PTPRD: variants seen among roughly 807,000 people sequenced by gnomAD.
The protein encoded by PTPRD is receptor-type tyrosine-protein phosphatase delta.
A neutral mutation model predicts 214.5 loss-of-function variants in PTPRD; 34 were observed. The ratio of observed to expected loss-of-function variants is 0.16; its 90% CI spans 0.12 to 0.21. The LOEUF (loss-of-function observed/expected upper bound fraction) is 0.21, where lower values mean the gene tolerates loss of function less well. Among genes scored for constraint, PTPRD ranks in the 10% least tolerant of loss-of-function variants. The pLI, the probability that PTPRD is intolerant of heterozygous loss-of-function variation, is 1.00. For synonymous variants in PTPRD, 1,128 were observed against 845.7 expected, an observed-to-expected ratio of 1.33 and a Z score of -5.79; for missense variants, 2,545 against 2,398.7, an observed-to-expected ratio of 1.06 and a Z score of -1.27.
chr9:8,505,418 C>T (rs932524532), intron 22 of PTPRD, among the ~76,000 whole-genome samples: 10 of 151,932 alleles, frequency 6.6e-5, no homozygotes, highest in South Asian at 4.1e-4. Flanking sequence ...GTCAGGAGAT[C>T]GAGACCATCC....
At position 8,492,149 on chromosome 9, in the gene PTPRD, T is replaced by C. The variant is rs147455928; in HGVS notation, c.2467+713A>G. On this transcript the variant is annotated intron_variant, in intron 27 of 45. Transcript: ENST00000381196. ...TCTTCTTTTTCTTTTTTGTTTTCTATCTTTTGTTCAGTTTGGCTTCTTTAG... is the reference window on the plus strand; with the variant it reads ...TCTTCTTTTTCTTTTTTGTTTTCTACCTTTTGTTCAGTTTGGCTTCTTTAG... 1.7e-3 allele frequency among the ~76,000 whole-genome samples: 262 copies of C among 152,346 alleles called. 3 individuals carry two copies. The highest frequency in any genetic ancestry group is 6.0e-3 in the African/African-American group (251 of 41,586).
At chr9:9,163,911 A>C (rs756450507) in intron 10 of PTPRD, among the ~76,000 whole-genome samples, 1 of 152,000 alleles carries the variant, frequency 6.6e-6, no homozygotes, top group African/African-American at 2.4e-5. Context: ...TTTCTATTTG[A>C]TCCTACCCAT....
intron 9 of PTPRD, among the ~76,000 whole-genome samples, chr9:9,388,687 A>G (rs1317608041): frequency 6.6e-6 from 1 of 152,184 alleles, no homozygotes. Flanking sequence ...ACGAGCTGAA[A>G]TCTGCCATAA....
chr9:9,245,745 T>C (rs1408596337), intron 9 of PTPRD, among the ~76,000 whole-genome samples: 1 of 152,184 alleles, frequency 6.6e-6, no homozygotes, highest in Non-Finnish European at 1.5e-5. Context: ...GTTGTGCACA[T>C]GTACCCTAAA....
chr9:9,961,219 G>C (rs570320574), intron 4 of PTPRD, among the ~76,000 whole-genome samples: 156 of 150,744 alleles, frequency 1.0e-3, no homozygotes, highest in African/African-American at 2.8e-3. Flanking sequence ...TTCCTTTCAA[G>C]AATAAGGATT....
intron 5 of PTPRD, among the ~76,000 whole-genome samples, chr9:9,907,325 C>A (rs2077865740): frequency 6.6e-6 from 1 of 151,844 alleles, no homozygotes; most frequent in South Asian, 2.1e-4. Context: ...TCTGCTAGGG[C>A]CGTCATAATA....
At chr9:8,319,431 T>TC (rs1825097002) in intron 45 of PTPRD, among the ~76,000 whole-genome samples, 1 of 152,094 alleles carries the variant, frequency 6.6e-6, no homozygotes, top group South Asian at 2.1e-4. Flanking sequence ...AGCTGATACC[T>TC]CTGTAGGCAT....
intron 11 of PTPRD, among the ~76,000 whole-genome samples, chr9:8,987,799 G>A (rs527822429): frequency 2.6e-5 from 4 of 152,168 alleles, no homozygotes; most frequent in African/African-American, 9.6e-5. Flanking sequence ...AAATTTAAAT[G>A]GCTGTGATAA....
Position 8,910,552 on chromosome 9 carries a change from C to T in PTPRD, c.-104+108145G>A, listed in dbSNP as rs188407721. 3.4e-4 allele frequency among the ~76,000 whole-genome samples: 51 copies of T among 152,162 alleles called. 1 individual carries two copies. Among genetic ancestry groups the T allele is most frequent in the Admixed American group, 1.4e-3 (22 of 15,278 alleles). ...TGCTCAGCCCCTCACCATGTGATAC[C>T]CTGCACTGCCTTGGGACTCTGCAGG... On this transcript the variant is annotated intron_variant, in intron 11 of 45. Coordinates refer to ENST00000381196, the MANE Select transcript of PTPRD (RefSeq NM_002839.4).
At chr9:9,106,261 G>A (rs947246242) in intron 10 of PTPRD, among the ~76,000 whole-genome samples, 10 of 151,952 alleles carry the variant, frequency 6.6e-5, no homozygotes, top group African/African-American at 2.4e-4. Context: ...GCAGTGGAGG[G>A]AAGTACACAG....
intron 5 of PTPRD, among the ~76,000 whole-genome samples, chr9:9,811,579 C>T (rs539436811): frequency 1.2e-4 from 19 of 152,082 alleles, no homozygotes; most frequent in Non-Finnish European, 2.2e-4. Context: ...TGGTGGCAGG[C>T]GCCTGTAGTC....
intron 12 of PTPRD, among the ~76,000 whole-genome samples, chr9:8,701,085 C>CG (rs1018446681): frequency 6.4e-4 from 97 of 151,846 alleles, no homozygotes; most frequent in African/African-American, 2.3e-3. Flanking sequence ...CACTTGAACC[C>CG]GGGAGGTGGA....
chr9:8,933,222 G>C (rs1404975157), intron 11 of PTPRD, among the ~76,000 whole-genome samples: 2 of 151,692 alleles, frequency 1.3e-5, no homozygotes, highest in East Asian at 3.9e-4. Context: ...GTTCCAATGA[G>C]ATGAGCAGGG....
intron 9 of PTPRD, among the ~76,000 whole-genome samples, chr9:9,367,148 A>G (rs1005895274): frequency 6.6e-6 from 1 of 151,510 alleles, no homozygotes; most frequent in African/African-American, 2.4e-5. Context: ...GGTTATTTAT[A>G]TTTATACATA....
intron 11 of PTPRD, among the ~76,000 whole-genome samples, chr9:8,836,937 A>ACC (rs1053996477): frequency 6.7e-6 from 1 of 148,932 alleles, no homozygotes; most frequent in African/African-American, 2.5e-5. Context: ...TCTCAAGCTA[A>ACC]CCCCCCAATA....
At chr9:8,743,917 A>T (rs141635048) in intron 11 of PTPRD, among the ~76,000 whole-genome samples, 82 of 151,944 alleles carry the variant, frequency 5.4e-4, no homozygotes, top group Non-Finnish European at 3.8e-4. Context: ...CAGAATCTAC[A>T]AAGAACTCAA....
chr9:9,053,565 CT>C (rs1466758900), intron 10 of PTPRD, among the ~76,000 whole-genome samples: 1 of 152,056 alleles, frequency 6.6e-6, no homozygotes, highest in African/African-American at 2.4e-5. Flanking sequence ...ACCATAGAGC[CT>C]TCAGAGAGCA....
intron 7 of PTPRD, among the ~76,000 whole-genome samples, chr9:9,584,129 C>G (rs2091439461): frequency 6.6e-6 from 1 of 151,856 alleles, no homozygotes; most frequent in African/African-American, 2.4e-5. Context: ...AAACATGCAT[C>G]AGAAGCTTCA....
At chr9:10,078,937 G>C (rs1370044435) in intron 3 of PTPRD, among the ~76,000 whole-genome samples, 2 of 151,948 alleles carry the variant, frequency 1.3e-5, no homozygotes, top group East Asian at 1.9e-4. Flanking sequence ...AACTTTTCTG[G>C]TTGAACATTA....
Sources: gnomAD v4.1 joint callset for allele counts (sites outside exome capture counted in the v4.1 genomes callset) on GRCh38, gnomAD v4.1.1 for gene constraint, MANE v1.5 for transcripts, NCBI Gene and HGNC (gene_info 2026-07-23, HGNC 2026-07-21) for gene names.